GNS: variants seen among roughly 807,000 people sequenced by gnomAD.
GNS encodes glucosamine (N-acetyl)-6-sulfatase, also known as N-acetylglucosamine-6-sulfatase.
A neutral mutation model predicts 69.7 loss-of-function variants in GNS; 40 were observed. The ratio of observed to expected loss-of-function variants is 0.57; its 90% CI spans 0.45 to 0.75. The LOEUF (loss-of-function observed/expected upper bound fraction) is 0.75. Among genes scored for constraint, GNS ranks in the 30% least tolerant of loss-of-function variants. The probability of loss-of-function intolerance (pLI) is 0.00; values close to 1 mark genes in which losing one functional copy is unlikely to be tolerated. For missense variants in GNS, 565 were observed against 685.5 expected, an observed-to-expected ratio of 0.82 and a Z score of 1.96; for synonymous variants, 243 against 251.6, an observed-to-expected ratio of 0.97 and a Z score of 0.32.
intron 1 of GNS, among the ~76,000 whole-genome samples, chr12:64,756,441 G>A (rs1436441126): frequency 6.6e-6 from 1 of 152,156 alleles, no homozygotes; most frequent in Non-Finnish European, 1.5e-5. Flanking sequence ...ATGCTGGTGT[G>A]GGTATGTGGA....
At chr12:64,757,676 AAG>A (rs1176471375) in intron 1 of GNS, among the ~76,000 whole-genome samples, 2 of 152,236 alleles carry the variant, frequency 1.3e-5, no homozygotes, top group Non-Finnish European at 2.9e-5. Context: ...CTCGGGAAGA[AAG>A]AGAGATAGAT....
chr12:64,716,975 C>G lies in GNS; in HGVS notation c.1581-156G>C, dbSNP rs79943402. ...TATGGTACAAAACATGAGCCCTCGA[C>G]AGTTCCGAACATTTCTATCACCAGT... On this transcript the variant is annotated intron_variant, in intron 13 of 13. Transcript: ENST00000258145. Among the ~76,000 whole-genome samples the G allele has an allele frequency of 1.9e-4, 29 of 152,320 alleles. No individual in the cohort carries two copies. The East Asian group carries it at 5.4e-3, about 28-fold the overall frequency.
At chr12:64,737,979 G>C (rs931596040) in intron 8 of GNS, among the ~76,000 whole-genome samples, 1 of 151,594 alleles carries the variant, frequency 6.6e-6, no homozygotes, top group Non-Finnish European at 1.5e-5. Context: ...GGAGATACAA[G>C]AACTAAAGGT....
In GNS at chr12:64,742,210, T is replaced by TG. The variant is rs1328027339; in HGVS notation, c.792+930dup. ...TAATTTTTTGTACTTTTAGTAGAGA[T>TG]GGGGTTTCACTGTGTTAGCCAGGAT... On this transcript the variant is annotated intron_variant, in intron 6 of 13. Coordinates refer to ENST00000258145, the MANE Select transcript of GNS (RefSeq NM_002076.4). 1.9e-4 allele frequency among the ~76,000 whole-genome samples: 29 copies of TG among 151,996 alleles called. 1 individual carries two copies. The highest frequency in any genetic ancestry group is 1.6e-4 in the Non-Finnish European group (11 of 67,970).
intron 4 of GNS, among the ~76,000 whole-genome samples, chr12:64,745,324 A>T (rs1016066758): frequency 7.0e-6 from 1 of 142,110 alleles, no homozygotes; most frequent in African/African-American, 2.6e-5. Context: ...GGCTCAAGTG[A>T]TCTTCTTACC....
At chr12:64,737,834 T>G (rs1200855544) in intron 8 of GNS, among the ~76,000 whole-genome samples, 1 of 152,118 alleles carries the variant, frequency 6.6e-6, no homozygotes, top group Non-Finnish European at 1.5e-5. Context: ...TAACTACCAA[T>G]CTATAGGAAA....
intron 13 of GNS, among the ~76,000 whole-genome samples, chr12:64,717,518 ATTTTTTTT>A (rs57088346): frequency 0.53 from 70,159 of 131,480 alleles, 18,130 homozygotes; most frequent in East Asian, 0.85. Flanking sequence ...CACCTGGCTA[ATTTTTTTT>A]TTTTTTTTTT....
chr12:64,735,026 C>T (rs1053183970), intron 9 of GNS, among the ~76,000 whole-genome samples: 20 of 152,094 alleles, frequency 1.3e-4, no homozygotes, highest in Non-Finnish European at 2.5e-4. Flanking sequence ...AGGACAATAG[C>T]GTGAACCCAG....
In GNS at chr12:64,748,363, CT is replaced by C. The variant is rs796226776; in HGVS notation, c.253-446del. On this transcript the variant is annotated intron_variant, in intron 2 of 13. Transcript: ENST00000258145. ...GTACAGGTGTGTGCCACCATCCTGG[CT>C]TTTTTTTTTTTCATTTTTTTATTTG... Among the ~76,000 whole-genome samples, 1,306 of 142,780 alleles carry C rather than the reference CT, an allele frequency of 9.1e-3. 13 individuals are homozygous for C. Among genetic ancestry groups the C allele is most frequent in the African/African-American group, 0.031 (1,194 of 39,056 alleles). 93.7% of individuals were successfully genotyped at this position (142,780 alleles called of 152,430 possible).
intron 8 of GNS, among the ~76,000 whole-genome samples, chr12:64,738,976 A>C (rs1235156495): frequency 2.0e-5 from 3 of 152,194 alleles, no homozygotes; most frequent in Non-Finnish European, 1.5e-5. Flanking sequence ...GAAAGCATGA[A>C]AGTCAAGGAC....
At chr12:64,725,542 T>C (rs1869167357) in intron 10 of GNS, among the ~76,000 whole-genome samples, 3 of 152,230 alleles carry the variant, frequency 2.0e-5, no homozygotes, top group South Asian at 4.1e-4. Context: ...GCTAATTAAC[T>C]GTTCTAATAC....
chr12:64,749,248 CTTT>C (rs759239939), intron 2 of GNS, among the ~76,000 whole-genome samples: 11 of 65,076 alleles, frequency 1.7e-4, no homozygotes, highest in Middle Eastern at 0.016. Context: ...CTTGATTTGG[CTTT>C]TTTTTTTTTT....
rs1289351381 is a variant in GNS at position 64,740,463 on chromosome 12, T to A, written c.875+143A>T. 3 of 681,278 alleles carry A rather than the reference T, an allele frequency of 4.4e-6. No individual in the cohort carries two copies. In the African/African-American group the frequency reaches 5.3e-5, roughly 12 times the overall value. 42.2% of individuals were successfully genotyped at this position (681,278 alleles called of 1,614,324 possible). A position where few individuals can be genotyped will look rare whatever the true frequency, so the allele number is the denominator to read the frequency against. ...TGTAAAGGAATCTCTCTGCTTCTGG[T>A]GCCCCATCGAAGCCTCTCTCCCACT... On this transcript the variant is annotated intron_variant, in intron 7 of 13. Transcript: ENST00000258145.
At position 64,732,153 on chromosome 12, in the gene GNS, A is replaced by ATTTTTTTTTT. The variant is rs1210247666; in HGVS notation, c.1099-3106_1099-3097dup. On this transcript the variant is annotated intron_variant, in intron 9 of 13. Transcript: ENST00000258145. ...AGGCACCTGCCACCACACCTGGCTAATTTTTTTTTTTTGTTGTTTTTTTTT... is the reference window on the plus strand; with the variant it reads ...AGGCACCTGCCACCACACCTGGCTAATTTTTTTTTTTTTTTTTTTTTTGTTGTTTTTTTTT... 4.3e-3 allele frequency among the ~76,000 whole-genome samples: 379 copies of ATTTTTTTTTT among 88,674 alleles called. 96 individuals are homozygous for ATTTTTTTTTT. Among genetic ancestry groups the ATTTTTTTTTT allele is most frequent in the South Asian group, 9.6e-3 (20 of 2,084 alleles). 58.2% of individuals were successfully genotyped at this position (88,674 alleles called of 152,430 possible).
chr12:64,753,661 A>G (rs999460351), intron 1 of GNS, among the ~76,000 whole-genome samples: 3 of 152,250 alleles, frequency 2.0e-5, no homozygotes, highest in African/African-American at 7.2e-5. Context: ...ATACATAAGT[A>G]GGTTAACAGG....
chr12:64,758,191 G>C (rs1019650108), intron 1 of GNS, among the ~76,000 whole-genome samples: 1 of 151,764 alleles, frequency 6.6e-6, no homozygotes, highest in Non-Finnish European at 1.5e-5. Context: ...AACACTGACA[G>C]TCTCTAATGC....
chr12:64,742,316 G>T (rs1405216683), intron 6 of GNS, among the ~76,000 whole-genome samples: 4 of 152,150 alleles, frequency 2.6e-5, no homozygotes, highest in Non-Finnish European at 5.9e-5. Flanking sequence ...CACTGCGCCC[G>T]GCCAGTACTC....
At chr12:64,742,996 C>T in intron 6 of GNS, 145 bp downstream of exon 6, 1 of 761,236 alleles carries the variant, frequency 1.3e-6, no homozygotes, top group South Asian at 1.4e-5. Context: ...CAAGTTTATA[C>T]TATTGGTTGT....
At chr12:64,739,074 C>T (rs1869642629) in intron 8 of GNS, among the ~76,000 whole-genome samples, 1 of 152,190 alleles carries the variant, frequency 6.6e-6, no homozygotes, top group Non-Finnish European at 1.5e-5. Context: ...TTTCCCAAGA[C>T]AACCTCCTTT....
Sources: gnomAD v4.1 joint callset for allele counts (sites outside exome capture counted in the v4.1 genomes callset) on GRCh38, gnomAD v4.1.1 for gene constraint, MANE v1.5 for transcripts, NCBI Gene and HGNC (gene_info 2026-07-23, HGNC 2026-07-21) for gene names.